Variants in CMSS1 observed in about 807,000 individuals in gnomAD.
The protein encoded by CMSS1 is cms1 ribosomal small subunit homolog.
A neutral mutation model predicts 43.5 loss-of-function variants in CMSS1; 33 were observed. The ratio of observed to expected loss-of-function variants is 0.76; its 90% CI spans 0.57 to 1.01. The LOEUF (loss-of-function observed/expected upper bound fraction) is 1.01, where lower values mean the gene tolerates loss of function less well. Among genes scored for constraint, CMSS1 ranks in the 50% least tolerant of loss-of-function variants. CMSS1 has a pLI of 0.00. For missense variants in CMSS1, 313 were observed against 326.4 expected (o/e 0.96, Z 0.32); for synonymous variants, 115 against 117.2 (o/e 0.98, Z 0.12).
chr3:100,052,020 A>C (rs926135514), intron 1 of CMSS1, among the ~76,000 whole-genome samples: 1 of 151,570 alleles, frequency 6.6e-6, no homozygotes, highest in African/African-American at 2.4e-5. Context: ...CAAGAAACAC[A>C]TGCAATTTAC....
intron 1 of CMSS1, among the ~76,000 whole-genome samples, chr3:99,839,741 T>G (rs1943048017): frequency 6.6e-6 from 1 of 152,224 alleles, no homozygotes; most frequent in Non-Finnish European, 1.5e-5. Context: ...ATGAACATGC[T>G]CTCAGCCAGT....
intron 1 of CMSS1, among the ~76,000 whole-genome samples, chr3:99,983,257 G>A (rs1187925607): frequency 6.6e-6 from 1 of 150,898 alleles, no homozygotes; most frequent in Non-Finnish European, 1.5e-5. Context: ...GTACCAGCCG[G>A]GCACAGTGAC....
intron 1 of CMSS1, among the ~76,000 whole-genome samples, chr3:99,983,446 G>GTGTA (rs1559713575): frequency 1.1e-5 from 1 of 87,810 alleles, no homozygotes; most frequent in African/African-American, 5.5e-5. Context: ...ATATATGTAT[G>GTGTA]TATATATATA....
rs561137425 is a variant in CMSS1 at position 99,910,402 on chromosome 3, G to A, written c.64+92359G>A. ...GGCAAGACTAATGTAACAAAAACAG[G>A]GTTCTGTGAGCTTTTAGAGGTGAAA... On this transcript the variant is annotated intron_variant, in intron 1 of 9. Coordinates refer to ENST00000421999, the MANE Select transcript of CMSS1 (RefSeq NM_032359.4). Among the ~76,000 whole-genome samples the A allele has an allele frequency of 2.1e-4, 29 of 135,806 alleles. 7 individuals carry two copies. The highest frequency in any genetic ancestry group is 6.3e-4 in the Admixed American group (8 of 12,708). The allele number at this position is 135,806 out of a possible 152,430, so 89.1% of individuals were successfully genotyped here. A position where few individuals can be genotyped will look rare whatever the true frequency, so the allele number is the denominator to read the frequency against.
intron 1 of CMSS1, among the ~76,000 whole-genome samples, chr3:100,051,720 G>C (rs547932382): frequency 1.3e-5 from 2 of 151,684 alleles, no homozygotes; most frequent in African/African-American, 4.8e-5. Flanking sequence ...ATTCCATGGT[G>C]TACATGTGCC....
At chr3:100,162,508 G>A in intron 4 of CMSS1, 76 bp downstream of exon 4, 1 of 1,482,868 alleles carries the variant, frequency 6.7e-7, no homozygotes, top group Admixed American at 2.0e-5. Flanking sequence ...GTCTCAGGCA[G>A]TCAATTAACA....
chr3:100,159,188 C>G lies in CMSS1; in HGVS notation c.154-1242C>G, dbSNP rs150780762. ...TCTAAATAAAAGAAGCCATATCTCT[C>G]TTTTCTTTAGCTATGATGCAATTGC... On this transcript the variant is annotated intron_variant, in intron 2 of 9. Transcript: ENST00000421999. Among the ~76,000 whole-genome samples the G allele has an allele frequency of 7.2e-5, 11 of 152,362 alleles. No individual in the cohort carries two copies. In the East Asian group the frequency reaches 1.9e-3, roughly 27 times the overall value.
intron 1 of CMSS1, among the ~76,000 whole-genome samples, chr3:99,982,695 T>C (rs1249754233): frequency 6.6e-6 from 1 of 152,152 alleles, no homozygotes; most frequent in African/African-American, 2.4e-5. Context: ...TGCTTAATCA[T>C]GGAAGTAACC....
intron 1 of CMSS1, chr3:99,924,478 A>G (rs534174957): frequency 6.3e-6 from 9 of 1,438,492 alleles, no homozygotes; most frequent in Non-Finnish European, 8.7e-6. Context: ...TCTTTTAGAA[A>G]TGTCCCTGTT....
chr3:100,025,238 C>T (rs2064897228), intron 1 of CMSS1, among the ~76,000 whole-genome samples: 1 of 152,170 alleles, frequency 6.6e-6, no homozygotes. Context: ...CAGCCCCATA[C>T]TGTTTGTGGC....
intron 1 of CMSS1, among the ~76,000 whole-genome samples, chr3:100,059,389 T>C (rs1020748771): frequency 3.3e-5 from 5 of 152,244 alleles, no homozygotes; most frequent in Non-Finnish European, 1.5e-5. Context: ...TGGCTTGCTT[T>C]TAGCCTCATC....
intron 1 of CMSS1, among the ~76,000 whole-genome samples, chr3:99,977,505 A>G (rs1332715021): frequency 6.6e-6 from 1 of 152,178 alleles, no homozygotes; most frequent in Non-Finnish European, 1.5e-5. Flanking sequence ...GATAGCCAAT[A>G]TACCTAAATT....
At chr3:100,129,989 CT>C (rs1433059479) in intron 1 of CMSS1, among the ~76,000 whole-genome samples, 2 of 152,210 alleles carry the variant, frequency 1.3e-5, no homozygotes, top group Non-Finnish European at 1.5e-5. Flanking sequence ...TGTATATATT[CT>C]TTTTATCCTC....
chr3:99,988,280 G>A (rs73138635), intron 1 of CMSS1, among the ~76,000 whole-genome samples: 1,635 of 148,128 alleles, frequency 0.011, 12 homozygotes, highest in Middle Eastern at 0.025. Context: ...GGCAAATCAC[G>A]AGGTTGGGAG....
chr3:99,920,478 A>G (rs1045470516), intron 1 of CMSS1, among the ~76,000 whole-genome samples: 5 of 152,242 alleles, frequency 3.3e-5, no homozygotes, highest in African/African-American at 1.2e-4. Flanking sequence ...CCTGTAATTC[A>G]GCCAAGTACA....
chr3:99,832,713 C>T (rs1457631989), intron 1 of CMSS1, among the ~76,000 whole-genome samples: 1 of 83,228 alleles, frequency 1.2e-5, no homozygotes, highest in Non-Finnish European at 2.3e-5. Context: ...TCGTGGCGCA[C>T]TCCTGTAATC....
At position 100,085,548 on chromosome 3, in the gene CMSS1, C is replaced by T. The variant is rs184318673; in HGVS notation, c.65-61425C>T. The stretch of plus-strand genomic sequence containing the variant: ...TCCCCATTTCTTCCTCTCTTATCAA[C>T]CAAGACCCCTCTGTGTTCCTCTTTC... On this transcript the variant is annotated intron_variant, in intron 1 of 9. Coordinates refer to ENST00000421999, the MANE Select transcript of CMSS1 (RefSeq NM_032359.4). 1.2e-3 allele frequency among the ~76,000 whole-genome samples: 186 copies of T among 152,304 alleles called. 1 individual carries two copies. The highest frequency in any genetic ancestry group is 3.4e-3 in the Middle Eastern group (1 of 294).
At chr3:100,080,302 T>C (rs916914203) in intron 1 of CMSS1, among the ~76,000 whole-genome samples, 3 of 151,096 alleles carry the variant, frequency 2.0e-5, no homozygotes, top group Non-Finnish European at 4.4e-5. Context: ...CTTAAAGCTC[T>C]CATAACCTAG....
intron 1 of CMSS1, among the ~76,000 whole-genome samples, chr3:100,013,967 G>A (rs906854885): frequency 1.3e-5 from 2 of 151,996 alleles, no homozygotes; most frequent in African/African-American, 4.8e-5. Flanking sequence ...GTTCCTCTGT[G>A]CCGCCCCCTT....
Sources: gnomAD v4.1 joint callset for allele counts (sites outside exome capture counted in the v4.1 genomes callset) on GRCh38, gnomAD v4.1.1 for gene constraint, MANE v1.5 for transcripts, NCBI Gene and HGNC (gene_info 2026-07-23, HGNC 2026-07-21) for gene names.